ZBTB20: variants seen among roughly 807,000 people sequenced by gnomAD.
ZBTB20 encodes the protein zinc finger and BTB domain containing 20, also known as zinc finger and BTB domain-containing protein 20.
A neutral mutation model predicts 56.9 loss-of-function variants in ZBTB20; 9 were observed. The observed-to-expected ratio is 0.16, with a 90% confidence interval of 0.10 to 0.28. The LOEUF (loss-of-function observed/expected upper bound fraction) is 0.28, where lower values mean the gene tolerates loss of function less well. Ranked by LOEUF, ZBTB20 falls within the 10% of genes least tolerant of loss-of-function variation. ZBTB20 has a pLI of 1.00. For synonymous variants in ZBTB20, 417 were observed against 420.7 expected (o/e 0.99, Z 0.11); for missense variants, 655 against 1,003.0 (o/e 0.65, Z 4.69).
intron 1 of ZBTB20, among the ~76,000 whole-genome samples, chr3:115,104,829 A>G (rs2083676261): frequency 6.6e-6 from 1 of 152,184 alleles, no homozygotes; most frequent in Non-Finnish European, 1.5e-5. Flanking sequence ...GCACAACACC[A>G]AGAGTGAACC....
chr3:114,396,065 G>C (rs111328600), intron 7 of ZBTB20, among the ~76,000 whole-genome samples: 9 of 152,088 alleles, frequency 5.9e-5, no homozygotes, highest in African/African-American at 2.2e-4. Context: ...ATCTGGCCTG[G>C]TGATGGGAAC....
chr3:114,440,627 C>T (rs2090850724), intron 7 of ZBTB20, among the ~76,000 whole-genome samples: 1 of 152,062 alleles, frequency 6.6e-6, no homozygotes, highest in South Asian at 2.1e-4. Context: ...GAGAAAAAAG[C>T]TTATTTCTAA....
chr3:115,065,479 A>C (rs1436013527), intron 2 of ZBTB20, among the ~76,000 whole-genome samples: 1 of 152,066 alleles, frequency 6.6e-6, no homozygotes, highest in Non-Finnish European at 1.5e-5. Flanking sequence ...TGTCTCTTTA[A>C]TATGTTGCTT....
At chr3:115,017,565 T>A (rs2080023193) in intron 2 of ZBTB20, among the ~76,000 whole-genome samples, 1 of 151,650 alleles carries the variant, frequency 6.6e-6, no homozygotes, top group East Asian at 2.0e-4. Flanking sequence ...AATTTTTATT[T>A]AGATAGATCA....
chr3:114,965,533 C>T (rs1318564269), intron 3 of ZBTB20, among the ~76,000 whole-genome samples: 1 of 152,144 alleles, frequency 6.6e-6, no homozygotes, highest in East Asian at 1.9e-4. Context: ...TGAGATCATG[C>T]AGCATTTGTC....
intron 11 of ZBTB20, among the ~76,000 whole-genome samples, chr3:114,340,737 A>T (rs1406226682): frequency 6.6e-6 from 1 of 152,202 alleles, no homozygotes; most frequent in Non-Finnish European, 1.5e-5. Flanking sequence ...CTCAGAGAAA[A>T]AAGTCCTTCC....
intron 7 of ZBTB20, among the ~76,000 whole-genome samples, chr3:114,424,264 T>G (rs938478712): frequency 6.6e-6 from 1 of 152,176 alleles, no homozygotes; most frequent in Non-Finnish European, 1.5e-5. Context: ...ATACAAAGCA[T>G]GGTGAATTTC....
intron 6 of ZBTB20, among the ~76,000 whole-genome samples, chr3:114,670,666 T>A (rs2061316805): frequency 6.6e-6 from 1 of 152,084 alleles, no homozygotes; most frequent in Non-Finnish European, 1.5e-5. Flanking sequence ...TGTAAAATAT[T>A]TGGGGAAAAA....
At chr3:114,729,473 G>C (rs920958517) in intron 5 of ZBTB20, among the ~76,000 whole-genome samples, 9 of 152,070 alleles carry the variant, frequency 5.9e-5, no homozygotes, top group African/African-American at 2.2e-4. Context: ...GTGTTGCTAT[G>C]TTTTCTTAAA....
Position 114,339,945 on chromosome 3 carries a change from T to C in ZBTB20, c.1805-519A>G, listed in dbSNP as rs1363457926. Among the ~76,000 whole-genome samples the C allele has an allele frequency of 6.6e-6, 1 of 152,222 alleles. No individual in the cohort carries two copies. Among genetic ancestry groups the C allele is most frequent in the Non-Finnish European group, 1.5e-5 (1 of 68,032 alleles). ...TCCCCACTTCTAGTAGTCTAAGAAA[T>C]ACACCTATGTGTTGATTGTGAGTTT... On this transcript the variant is annotated intron_variant, in intron 11 of 11. Transcript: ENST00000675478. The surrounding 1 kb of genome is among the most constrained non-coding windows in gnomAD (Gnocchi z 4.2).
At chr3:115,086,269 G>T (rs2082981580) in intron 1 of ZBTB20, among the ~76,000 whole-genome samples, 1 of 151,796 alleles carries the variant, frequency 6.6e-6, no homozygotes, top group Non-Finnish European at 1.5e-5. Context: ...TGAAGATATA[G>T]ATAAAGTAAA....
intron 2 of ZBTB20, among the ~76,000 whole-genome samples, chr3:115,011,718 T>A (rs566515612): frequency 1.3e-5 from 2 of 151,942 alleles, no homozygotes; most frequent in East Asian, 3.9e-4. Flanking sequence ...CATCTAACAG[T>A]ACAAAACTCA....
intron 10 of ZBTB20, among the ~76,000 whole-genome samples, chr3:114,355,471 A>T (rs1304434834): frequency 6.6e-6 from 1 of 152,218 alleles, no homozygotes; most frequent in Non-Finnish European, 1.5e-5. Context: ...ATATGAGTAC[A>T]GATGCGAAGG....
chr3:114,438,425 ACAAAAAAAAC>A (rs1055979387), intron 7 of ZBTB20, among the ~76,000 whole-genome samples: 2 of 115,790 alleles, frequency 1.7e-5, no homozygotes, highest in Admixed American at 2.0e-4. Context: ...CCAAAAAAAA[ACAAAAAAAAC>A]CAAAAAAAAA....
At chr3:114,844,537 A>AACAAAC (rs2074574683) in intron 4 of ZBTB20, among the ~76,000 whole-genome samples, 5 of 138,810 alleles carry the variant, frequency 3.6e-5, no homozygotes, top group South Asian at 2.3e-4. Flanking sequence ...AAAAAAAAAA[A>AACAAAC]AAAAAAAAAA....
chr3:114,645,848 T>A (rs1448790368), intron 6 of ZBTB20, among the ~76,000 whole-genome samples: 1 of 152,200 alleles, frequency 6.6e-6, no homozygotes, highest in Admixed American at 6.5e-5. Context: ...AAACTATCTA[T>A]AAAGCAGGAG....
chr3:114,350,138 A>G, intron 11 of ZBTB20, 136 bp downstream of exon 11: 1 of 1,295,414 alleles, frequency 7.7e-7, no homozygotes. Context: ...TGGGGTTTCT[A>G]GAAGAGGCTT....
intron 5 of ZBTB20, among the ~76,000 whole-genome samples, chr3:114,771,493 C>T (rs1001870443): frequency 6.6e-6 from 1 of 152,148 alleles, no homozygotes; most frequent in African/African-American, 2.4e-5. Context: ...ATCCTTCTTA[C>T]TTAAAAATTT....
intron 6 of ZBTB20, among the ~76,000 whole-genome samples, chr3:114,552,638 A>C (rs2050717617): frequency 6.6e-6 from 1 of 152,204 alleles, no homozygotes; most frequent in South Asian, 2.1e-4. Context: ...CTCCATGGTT[A>C]TGAGCTTTGG....
Sources: gnomAD v4.1 joint callset for allele counts (sites outside exome capture counted in the v4.1 genomes callset) on GRCh38, gnomAD v4.1.1 for gene constraint, Gnocchi (gnomAD v3.1) non-coding constraint, MANE v1.5 for transcripts, NCBI Gene and HGNC (gene_info 2026-07-23, HGNC 2026-07-21) for gene names.